Variants in MAP4 observed in about 807,000 individuals in gnomAD.
MAP4 encodes microtubule-associated protein 4.
In MAP4, 76 loss-of-function variants were observed where a neutral mutation model predicts 170.2. The observed-to-expected ratio is 0.45, with a 90% CI of 0.37 to 0.54. MAP4 has a LOEUF of 0.54. MAP4 is among the 20% of genes least tolerant of loss of function. The pLI, the probability that MAP4 is intolerant of heterozygous loss-of-function variation, is 0.00. For synonymous variants in MAP4, 909 were observed against 994.5 expected (o/e 0.91, Z 1.62); for missense variants, 2,506 against 2,748.0 (o/e 0.91, Z 1.97).
At chr3:48,037,040 C>A (rs1579443523) in intron 1 of MAP4, among the ~76,000 whole-genome samples, 1 of 152,192 alleles carries the variant, frequency 6.6e-6, no homozygotes. Context: ...CACCTCCCTA[C>A]CCTGTCATTG....
intron 3 of MAP4, among the ~76,000 whole-genome samples, chr3:47,943,103 T>G (rs531776434): frequency 6.6e-6 from 1 of 152,072 alleles, no homozygotes; most frequent in African/African-American, 2.4e-5. Context: ...ACCAAGACCC[T>G]GTCTCCAAAA....
At chr3:47,879,029 T>G (rs547574505) in intron 10 of MAP4, among the ~76,000 whole-genome samples, 3 of 152,308 alleles carry the variant, frequency 2.0e-5, no homozygotes, top group Non-Finnish European at 4.4e-5. Context: ...TTTCTAGTAA[T>G]TTATCCTAGA....
intron 3 of MAP4, among the ~76,000 whole-genome samples, chr3:47,969,321 T>C (rs2100077083): frequency 1.3e-5 from 2 of 150,234 alleles, no homozygotes; most frequent in Non-Finnish European, 2.9e-5. Flanking sequence ...GGCAAGAGAA[T>C]CACAAGCCCT....
rs941156050 is a variant in MAP4, at chr3:47,902,912, TAA to T, written c.5434+36_5434+37del. On this transcript the variant is annotated intron_variant, in intron 10 of 20. Coordinates refer to ENST00000683076, the MANE Select transcript of MAP4 (RefSeq NM_001385682.1). ...TGAAACTGTTAGAATTCTGGGTTTA[TAA>T]ATTACTTCAAGTTTCACACCAAGAG... 3 of 954,222 alleles carry T rather than the reference TAA, an allele frequency of 3.1e-6. No homozygotes were observed. In the Admixed American group the frequency reaches 1.8e-4, roughly 59 times the overall value. The allele number at this position is 954,222 out of a possible 1,614,324, so 59.1% of individuals were successfully genotyped here. A position where few individuals can be genotyped will look rare whatever the true frequency, so the allele number is the denominator to read the frequency against.
chr3:47,984,115 C>T (rs1340021603), intron 2 of MAP4, among the ~76,000 whole-genome samples: 1 of 152,152 alleles, frequency 6.6e-6, no homozygotes, highest in Non-Finnish European at 1.5e-5. Context: ...TTCCTCCTGC[C>T]TCAGCCTCCT....
At chr3:47,971,328 T>C (rs976058276) in intron 3 of MAP4, among the ~76,000 whole-genome samples, 1 of 152,202 alleles carries the variant, frequency 6.6e-6, no homozygotes, top group Non-Finnish European at 1.5e-5. Context: ...GTTCAGAAAC[T>C]CTAACACACC....
chr3:47,988,399 A>C (rs1044836990), intron 2 of MAP4, among the ~76,000 whole-genome samples: 11 of 152,166 alleles, frequency 7.2e-5, no homozygotes, highest in Non-Finnish European at 1.5e-4. Flanking sequence ...CAGTTCACCC[A>C]TAACAGAAAA....
At chr3:47,978,742 T>C (rs1426283767) in intron 2 of MAP4, among the ~76,000 whole-genome samples, 1 of 151,790 alleles carries the variant, frequency 6.6e-6, no homozygotes, top group Non-Finnish European at 1.5e-5. Flanking sequence ...CTTTTTTTTT[T>C]TCCCTCTTTT....
At chr3:48,002,135 A>G (rs747279250) in intron 1 of MAP4, among the ~76,000 whole-genome samples, 1 of 151,898 alleles carries the variant, frequency 6.6e-6, no homozygotes, top group Non-Finnish European at 1.5e-5. Context: ...GTTCCAAGCT[A>G]TAGTGTGCAA....
At chr3:47,928,529 G>A (rs542582025) in intron 3 of MAP4, among the ~76,000 whole-genome samples, 179 bp from the exon 4 acceptor site, 13 of 152,162 alleles carry the variant, frequency 8.5e-5, no homozygotes, top group South Asian at 4.2e-4. Flanking sequence ...GCAATGGTGC[G>A]TCTGTAGCCC....
At chr3:47,878,909 G>C (rs1383910865) in intron 10 of MAP4, among the ~76,000 whole-genome samples, 1 of 152,034 alleles carries the variant, frequency 6.6e-6, no homozygotes, top group African/African-American at 2.4e-5. Context: ...AATAATATAG[G>C]GAAATATACT....
intron 9 of MAP4, among the ~76,000 whole-genome samples, chr3:47,905,050 A>G (rs543649612): frequency 2.6e-5 from 4 of 152,298 alleles, no homozygotes; most frequent in Admixed American, 6.5e-5. Flanking sequence ...AATGAGAACA[A>G]GATATGTGAG....
At chr3:47,891,289 G>T in intron 10 of MAP4, 1 of 1,536,222 alleles carries the variant, frequency 6.5e-7, no homozygotes, top group Non-Finnish European at 8.7e-7. Context: ...TGCTGTTGCT[G>T]AAGTGAGCCA....
At chr3:48,052,916 T>C (rs765174413) in intron 1 of MAP4, among the ~76,000 whole-genome samples, 21 of 152,210 alleles carry the variant, frequency 1.4e-4, no homozygotes, top group Admixed American at 5.2e-4. Flanking sequence ...ATAACACATC[T>C]CAAATTTATG....
intron 10 of MAP4, chr3:47,891,474 T>C: frequency 1.3e-6 from 2 of 1,521,718 alleles, no homozygotes; most frequent in Non-Finnish European, 1.8e-6. Flanking sequence ...GGACTAGGCA[T>C]TGGGCTACTA....
intron 16 of MAP4, among the ~76,000 whole-genome samples, chr3:47,867,655 C>T (rs1053175875): frequency 2.6e-5 from 4 of 152,236 alleles, no homozygotes; most frequent in African/African-American, 9.6e-5. Context: ...TAACCTGATG[C>T]CCAACCAGGC....
At chr3:48,044,279 C>T (rs1379446040) in intron 1 of MAP4, among the ~76,000 whole-genome samples, 9 of 150,326 alleles carry the variant, frequency 6.0e-5, no homozygotes, top group African/African-American at 1.2e-4. Flanking sequence ...CTCAGCCTCC[C>T]GAGTAGCTGG....
chr3:47,911,463 T>G lies in MAP4; in HGVS notation c.2958A>C (p.Leu986=). ...TTTTACTTTCATTATTCCCTTCTTT[T>G]AGATTACATTCTAATGGATTACTTG... The part of the protein sequence containing the change: ...LIASNPLECN[L]KEGNNESKMT... The change falls in exon 9 of 21, where the codon CTA becomes CTC. Residue 986 remains leucine, a synonymous_variant. Transcript: ENST00000683076. The surrounding 1 kb of genome is among the most constrained non-coding windows in gnomAD (Gnocchi z 4.0). The G allele has an allele frequency of 6.5e-7, 1 of 1,536,098 alleles. No individual in the cohort carries two copies. Among genetic ancestry groups the G allele is most frequent in the Non-Finnish European group, 8.7e-7 (1 of 1,146,884 alleles).
intron 1 of MAP4, among the ~76,000 whole-genome samples, chr3:48,062,649 G>A (rs2100136407): frequency 6.6e-6 from 1 of 151,416 alleles, no homozygotes; most frequent in Admixed American, 6.6e-5. Flanking sequence ...GTGGCTGGGC[G>A]TGGTGGTTCA....
Sources: gnomAD v4.1 joint callset for allele counts (sites outside exome capture counted in the v4.1 genomes callset) on GRCh38, gnomAD v4.1.1 for gene constraint, Gnocchi (gnomAD v3.1) non-coding constraint, MANE v1.5 for transcripts, NCBI Gene and HGNC (gene_info 2026-07-23, HGNC 2026-07-21) for gene names.